RPL26: variants seen among roughly 807,000 people sequenced by gnomAD.
RPL26 encodes large ribosomal subunit protein uL24.
In RPL26, 1 loss-of-function variant was observed where a neutral mutation model predicts 16.2. The observed-to-expected ratio is 0.06, with a 90% CI of 0.02 to 0.29. RPL26 has a LOEUF of 0.29. Among genes scored for constraint, RPL26 ranks in the 10% least tolerant of loss-of-function variants. The pLI, the probability that RPL26 is intolerant of heterozygous loss-of-function variation, is 1.00. For synonymous variants in RPL26, 55 were observed against 62.4 expected, an observed-to-expected ratio of 0.88 and a Z score of 0.56; for missense variants, 102 against 184.3, an observed-to-expected ratio of 0.55 and a Z score of 2.58.
intron 3 of RPL26, 149 bp downstream of exon 3, chr17:8,379,647 C>CA: frequency 1.5e-6 from 1 of 677,422 alleles, no homozygotes; most frequent in Non-Finnish European, 2.5e-6. Context: ...TTAGAATTTT[C>CA]AATACAAGTG....
rs1234702907 is a variant in RPL26, at chr17:8,382,109, CA to C, written c.168+33del. 3.8e-6 allele frequency: 6 copies of C among 1,580,098 alleles called. No homozygotes were observed. The Admixed American group carries it at 8.4e-5, about 22-fold the overall frequency. On this transcript the variant is annotated intron_variant, in intron 2 of 3. Coordinates refer to ENST00000648839, the MANE Select transcript of RPL26 (RefSeq NM_000987.5). The stretch of plus-strand genomic sequence containing the variant: ...TTCTAAGCTAAGTGCGTAAAATATC[CA>C]TCAAGACAACGAGAACAAGTAGGGA...
intron 2 of RPL26, 92 bp from the exon 3 acceptor site, chr17:8,380,028 T>C (rs1907339247): frequency 3.8e-6 from 4 of 1,040,910 alleles, no homozygotes; most frequent in Middle Eastern, 2.1e-4. Context: ...ATTCACCCTA[T>C]CATTATATTA....
At chr17:8,380,158 G>A (rs1907345124) in intron 2 of RPL26, 1 of 478,146 alleles carries the variant, frequency 2.1e-6, no homozygotes, top group African/African-American at 2.0e-5. Context: ...CCATTAATGT[G>A]TGCAACCTAG....
At chr17:8,378,862 T>A (rs1267996445) in intron 3 of RPL26, among the ~76,000 whole-genome samples, 1 of 152,018 alleles carries the variant, frequency 6.6e-6, no homozygotes, top group Non-Finnish European at 1.5e-5. Context: ...CTTTCTAGAG[T>A]GATCAAGCAA....
chr17:8,380,453 A>ATTT (rs147505765), intron 2 of RPL26: 4,057 of 154,098 alleles, frequency 0.026, 83 homozygotes, highest in East Asian at 0.074. Context: ...AATAGGCATG[A>ATTT]AAAAATATTG....
chr17:8,381,721 A>T (rs1446356105), intron 2 of RPL26: 3 of 193,570 alleles, frequency 1.5e-5, no homozygotes, highest in Non-Finnish European at 3.2e-5. Context: ...TGACGCCATG[A>T]GTTCGAGACC....
intron 3 of RPL26, 33 bp from the exon 4 acceptor site, chr17:8,377,725 C>G (rs2151672035): frequency 6.3e-7 from 1 of 1,583,660 alleles, no homozygotes; most frequent in Middle Eastern, 1.7e-4. Context: ...CACTCCCAAG[C>G]TTTAAATAAT....
chr17:8,380,065 G>A (rs1307204876), intron 2 of RPL26, 129 bp from the exon 3 acceptor site: 4 of 690,116 alleles, frequency 5.8e-6, no homozygotes, highest in Middle Eastern at 2.7e-4. Context: ...AGCCCACTTC[G>A]GCAACCTGTA....
At chr17:8,378,744 T>A (rs1907273361) in intron 3 of RPL26, among the ~76,000 whole-genome samples, 1 of 152,088 alleles carries the variant, frequency 6.6e-6, no homozygotes, top group African/African-American at 2.4e-5. Flanking sequence ...AACAAAAATC[T>A]CCACAGTCAC....
chr17:8,380,218 T>C (rs1907348019), intron 2 of RPL26: 2 of 338,070 alleles, frequency 5.9e-6, no homozygotes, highest in Non-Finnish European at 1.1e-5. Context: ...ACCAATTCTT[T>C]CCCAAAGGTT....
intron 2 of RPL26, 80 bp from the exon 3 acceptor site, chr17:8,380,016 C>A (rs1052874880): frequency 7.9e-6 from 9 of 1,134,790 alleles, no homozygotes; most frequent in Non-Finnish European, 1.1e-5. Context: ...CATGCATACA[C>A]CATTCACCCT....
intron 3 of RPL26, 107 bp downstream of exon 3, chr17:8,379,689 A>T: frequency 9.6e-7 from 1 of 1,046,414 alleles, no homozygotes; most frequent in Non-Finnish European, 1.4e-6. Flanking sequence ...GTTTTTTTCC[A>T]GCACATGTAA....
intron 3 of RPL26, chr17:8,379,064 G>A (rs1907289863): frequency 6.6e-6 from 1 of 152,196 alleles, no homozygotes; most frequent in African/African-American, 2.4e-5. Context: ...CCCTAATTTT[G>A]CCTCAGTAGG....
intron 2 of RPL26, 124 bp downstream of exon 2, chr17:8,382,014 GCTCAA>G: frequency 1.3e-6 from 1 of 754,236 alleles, no homozygotes. Flanking sequence ...TTGGTCCCTG[GCTCAA>G]CTCATCTTGC....
chr17:8,383,106 C>G (rs73237215), intron 1 of RPL26, 51 bp downstream of exon 1: 5 of 398,558 alleles, frequency 1.3e-5, no homozygotes, highest in Non-Finnish European at 2.2e-5. Context: ...AGCCACCATG[C>G]CCAAGAACGG....
intron 2 of RPL26, 143 bp downstream of exon 2, chr17:8,381,999 GT>G: frequency 6.2e-6 from 4 of 643,496 alleles, no homozygotes; most frequent in Non-Finnish European, 5.4e-6. Flanking sequence ...CTTACTTACT[GT>G]TTTTTGGTCC....
chr17:8,378,322 C>A (rs1909342), intron 3 of RPL26, among the ~76,000 whole-genome samples: 1 of 152,068 alleles, frequency 6.6e-6, no homozygotes, highest in Non-Finnish European at 1.5e-5. Flanking sequence ...GGCGATCAAT[C>A]GAGACTCCAT....
intron 3 of RPL26, 93 bp downstream of exon 3, chr17:8,379,703 C>A (rs1289903086): frequency 1.7e-6 from 2 of 1,185,522 alleles, no homozygotes; most frequent in Admixed American, 2.3e-5. Context: ...CATGTAAAAT[C>A]AAGGACTATT....
chr17:8,379,161 A>C (rs1230751385), intron 3 of RPL26: 1 of 152,196 alleles, frequency 6.6e-6, no homozygotes, highest in African/African-American at 2.4e-5. Context: ...TGTCAGAAGT[A>C]AGGGAAGATC....
Sources: gnomAD v4.1 joint callset for allele counts (sites outside exome capture counted in the v4.1 genomes callset) on GRCh38, gnomAD v4.1.1 for gene constraint, MANE v1.5 for transcripts, NCBI Gene and HGNC (gene_info 2026-07-23, HGNC 2026-07-21) for gene names.